Variants in ZEB2 observed in about 807,000 individuals in gnomAD.
ZEB2 encodes zinc finger E-box binding homeobox 2.
ZEB2 carries 6 observed loss-of-function variants against 99.9 expected under a neutral mutation model. That is an observed-to-expected ratio of 0.06 (90% CI 0.03 to 0.12). ZEB2 has a LOEUF of 0.12. ZEB2 is among the 10% of genes least tolerant of loss of function. The pLI is 1.00. For missense variants in ZEB2, 969 were observed against 1,502.8 expected (o/e 0.64, Z 5.87); for synonymous variants, 517 against 542.5 (o/e 0.95, Z 0.65).
chr2:144,504,106 A>AAC (rs1704919257), intron 2 of ZEB2: 3 of 145,656 alleles, frequency 2.1e-5, no homozygotes, highest in African/African-American at 7.6e-5. Flanking sequence ...AACAAAAAAA[A>AAC]CAAACCACCT....
chr2:144,422,384 A>C (rs1187016215), intron 4 of ZEB2, among the ~76,000 whole-genome samples: 1 of 152,148 alleles, frequency 6.6e-6, no homozygotes, highest in East Asian at 1.9e-4. Context: ...ACTCCTCTTC[A>C]ATTAGAAAGC....
intron 4 of ZEB2, among the ~76,000 whole-genome samples, chr2:144,423,739 A>T (rs1401465486): frequency 6.6e-6 from 1 of 152,224 alleles, no homozygotes; most frequent in Admixed American, 6.5e-5. Flanking sequence ...TTTTATACCC[A>T]GGAAAGTGAA....
rs967864705 is a variant in ZEB2 at position 144,517,296 on chromosome 2, T to A, written c.55A>T (p.Asn19Tyr). The change falls in exon 2 of 10, where the codon AAT (asparagine) becomes TAT (tyrosine). Residue 19 changes from asparagine to tyrosine, a missense_variant. This residue lies in a region of ZEB2 where 173 missense variants were observed against 217.7 expected (regional missense o/e 0.79). Transcript: ENST00000627532. ...GPRCKRRKQA[N>Y]PRRKNVVNYD... ...TTCTTACCGTTTTTCCTCCTGGGAT[T>A]GGCTTGTTTGCGCCTCTTGCACCGG... 7.4e-6 allele frequency: 12 copies of A among 1,613,396 alleles called. No homozygotes were observed. Among genetic ancestry groups the A allele is most frequent in the Non-Finnish European group, 9.3e-6 (11 of 1,179,834 alleles).
intron 2 of ZEB2, among the ~76,000 whole-genome samples, chr2:144,452,889 C>CA (rs1200595309): frequency 1.3e-5 from 2 of 152,294 alleles, no homozygotes; most frequent in East Asian, 3.9e-4. Flanking sequence ...AAACTACTGA[C>CA]AAAAGCCTTT....
intron 2 of ZEB2, among the ~76,000 whole-genome samples, chr2:144,448,572 G>A (rs908962066): frequency 1.3e-5 from 2 of 152,106 alleles, no homozygotes; most frequent in Non-Finnish European, 1.5e-5. Context: ...TGACATTTAC[G>A]TTGCACACAT....
chr2:144,477,805 T>C (rs2149912359), intron 2 of ZEB2, among the ~76,000 whole-genome samples: 1 of 152,188 alleles, frequency 6.6e-6, no homozygotes, highest in East Asian at 1.9e-4. Context: ...CTTATTACCT[T>C]ACAAGGAAGC....
At chr2:144,500,093 C>T (rs1160444692) in intron 2 of ZEB2, among the ~76,000 whole-genome samples, 2 of 152,180 alleles carry the variant, frequency 1.3e-5, no homozygotes, top group African/African-American at 4.8e-5. Flanking sequence ...GCACAGCCTC[C>T]ACTGCATTCA....
At position 144,399,553 on chromosome 2, in the gene ZEB2, G is replaced by C. The variant is rs1703279622; in HGVS notation, c.1634C>G (p.Thr545Ser). 6.2e-7 allele frequency: 1 copy of C among 1,614,044 alleles called. No homozygotes were observed. Among genetic ancestry groups the C allele is most frequent in the Non-Finnish European group, 8.5e-7 (1 of 1,180,028 alleles). ...ATTACTGATCTGTCTCCTTGAGTCA[G>C]TAGTCAAGCTCTGGAGGCAAGCTTT... The part of the protein sequence containing the change: ...EAKACLQSLT[T>S]DSRRQISNIK... Residue 545 changes from threonine to serine, a missense_variant, in exon 8 of 10, where the codon ACT becomes AGT. Transcript: ENST00000627532. The surrounding 1 kb of genome is among the most constrained non-coding windows in gnomAD (Gnocchi z 5.6).
chr2:144,389,826 C>G lies in ZEB2; in HGVS notation c.3270G>C (p.Ala1090=), dbSNP rs1271683362. The change falls in exon 10 of 10, where the codon GCG becomes GCC. Residue 1090 remains alanine (A), a synonymous_variant. Coordinates refer to ENST00000627532, the MANE Select transcript of ZEB2 (RefSeq NM_014795.4). This position sits in a 1 kb window ranked among gnomAD's most constrained non-coding sequence, Gnocchi z 6.8. ...YCKREAEERE[A]AEREAREKGH... is the part of the protein sequence containing the mutation. ...CTTTCTCGCGCGCCTCGCGCTCCGC[C>G]GCTTCCCGCTCCTCCGCCTCCCGCT... 1.2e-6 allele frequency: 2 copies of G among 1,613,270 alleles called. No homozygotes were observed. The highest frequency in any genetic ancestry group is 1.1e-5 in the South Asian group (1 of 91,078).
In ZEB2 at chr2:144,483,148, A is replaced by ACACACACACATGCG. The variant is rs1553968376; in HGVS notation, c.73+34129_73+34130insCGCATGTGTGTGTG. 2.3e-4 allele frequency among the ~76,000 whole-genome samples: 33 copies of ACACACACACATGCG among 144,116 alleles called. No homozygotes were observed. The East Asian group carries it at 5.7e-3, about 25-fold the overall frequency. The allele number at this position is 144,116 out of a possible 152,430, so 94.5% of individuals were successfully genotyped here. The stretch of plus-strand genomic sequence containing the variant: ...CACACACACACACACACACACACAC[A>ACACACACACATGCG]CACACACACACACACATACCCTAAG... On this transcript the variant is annotated intron_variant, in intron 2 of 9. Coordinates refer to ENST00000627532, the MANE Select transcript of ZEB2 (RefSeq NM_014795.4).
intron 2 of ZEB2, among the ~76,000 whole-genome samples, chr2:144,457,468 A>G (rs1357027330): frequency 6.6e-6 from 1 of 152,196 alleles, no homozygotes; most frequent in Non-Finnish European, 1.5e-5. Flanking sequence ...AGGATTTTTA[A>G]CTATTTAACA....
At chr2:144,489,485 G>T (rs1159902358) in intron 2 of ZEB2, among the ~76,000 whole-genome samples, 1 of 152,144 alleles carries the variant, frequency 6.6e-6, no homozygotes, top group Admixed American at 6.5e-5. Flanking sequence ...TCTATACTTT[G>T]TCTTTTAGAA....
intron 2 of ZEB2, among the ~76,000 whole-genome samples, chr2:144,510,722 C>T (rs1042750343): frequency 5.3e-5 from 8 of 151,786 alleles, no homozygotes; most frequent in African/African-American, 1.9e-4. Context: ...CTCTCTTTCT[C>T]TCTCTCTTTC....
intron 2 of ZEB2, among the ~76,000 whole-genome samples, chr2:144,477,839 C>G (rs553774127): frequency 5.3e-4 from 80 of 152,204 alleles, no homozygotes; most frequent in Non-Finnish European, 9.4e-4. Flanking sequence ...GATGAGGAGG[C>G]CTGAAAAGTG....
intron 2 of ZEB2, among the ~76,000 whole-genome samples, chr2:144,508,688 G>C (rs942118858): frequency 6.6e-6 from 1 of 151,820 alleles, no homozygotes; most frequent in Admixed American, 6.6e-5. Context: ...AGGTTCACAT[G>C]ACCTCCCAGG....
Position 144,429,935 on chromosome 2 carries a change from A to C in ZEB2, c.165T>G (p.Pro55=). ...TAGCTGGACTCGTCTCCTGGTCCAG[A>C]GGGTTGGCAATACCGTCATCCTCAG... ...HIAEDDGIAN[P]LDQETSPASV... Residue 55 remains proline (P), a synonymous_variant, in exon 3 of 10, where the codon CCT becomes CCG. Coordinates refer to ENST00000627532, the MANE Select transcript of ZEB2 (RefSeq NM_014795.4). 6.2e-7 allele frequency: 1 copy of C among 1,613,802 alleles called. No homozygotes were observed. Among genetic ancestry groups the C allele is most frequent in the African/African-American group, 1.3e-5 (1 of 74,984 alleles).
chr2:144,498,748 A>T (rs944804733), intron 2 of ZEB2, among the ~76,000 whole-genome samples: 1 of 152,170 alleles, frequency 6.6e-6, no homozygotes, highest in African/African-American at 2.4e-5. Flanking sequence ...CCTAAAAATG[A>T]TCAGGAAGGG....
At chr2:144,437,901 A>T (rs968285715) in intron 2 of ZEB2, among the ~76,000 whole-genome samples, 4 of 152,158 alleles carry the variant, frequency 2.6e-5, no homozygotes, top group Admixed American at 2.6e-4. Flanking sequence ...AAATAGAAAA[A>T]CTATAAAAAT....
In ZEB2 at chr2:144,385,996, G is replaced by A. The variant is rs1703078067; in HGVS notation, c.*3455C>T. ...AGCTCTTGCGGAGAAATTCTGATACGCATCTCTCTTCCCAGTTATTTCAGG... is the reference window on the plus strand; with the variant it reads ...AGCTCTTGCGGAGAAATTCTGATACACATCTCTCTTCCCAGTTATTTCAGG... On this transcript the variant is annotated 3_prime_UTR_variant, in exon 10 of 10. Transcript: ENST00000627532. 1 of 152,064 alleles carries A rather than the reference G, an allele frequency of 6.6e-6. No homozygotes were observed. Among genetic ancestry groups the A allele is most frequent in the African/African-American group, 2.4e-5 (1 of 41,400 alleles). 9.4% of individuals were successfully genotyped at this position (152,064 alleles called of 1,614,324 possible).
Sources: allele counts gnomAD v4.1 joint callset (sites outside exome capture counted in the v4.1 genomes callset), GRCh38; gene constraint gnomAD v4.1.1; regional missense constraint gnomAD v4.1.1; non-coding constraint Gnocchi (gnomAD v3.1); transcripts MANE v1.5; gene names NCBI Gene and HGNC (gene_info 2026-07-23, HGNC 2026-07-21).